The following WIPF2 variants were observed in gnomAD, a reference collection of about 807,000 sequenced individuals.
The protein encoded by WIPF2 is WAS/WASL-interacting protein family member 2.
Under a neutral mutation model 38.8 loss-of-function variants are expected in WIPF2, and 23 were observed. That is an observed-to-expected ratio of 0.59 (90% confidence interval 0.43 to 0.84). WIPF2 has a LOEUF of 0.84. Ranked by LOEUF, WIPF2 falls within the 40% of genes least tolerant of loss-of-function variation. The pLI, the probability that WIPF2 is intolerant of heterozygous loss-of-function variation, is 0.00. For missense variants in WIPF2, 574 were observed against 580.5 expected (o/e 0.99, Z 0.11); for synonymous variants, 210 against 223.2 (o/e 0.94, Z 0.53).
intron 7 of WIPF2, among the ~76,000 whole-genome samples, chr17:40,277,584 G>T (rs2032440330): frequency 6.6e-6 from 1 of 151,960 alleles, no homozygotes; most frequent in African/African-American, 2.4e-5. Flanking sequence ...GGGAGGCTGA[G>T]GCAGGAGAAC....
At chr17:40,242,072 A>C (rs1305288484) in intron 1 of WIPF2, among the ~76,000 whole-genome samples, 1 of 152,228 alleles carries the variant, frequency 6.6e-6, no homozygotes, top group Non-Finnish European at 1.5e-5. Context: ...TTGCATTCTA[A>C]GATGAGCAGC....
At chr17:40,241,204 C>T (rs1437227214) in intron 1 of WIPF2, among the ~76,000 whole-genome samples, 1 of 152,104 alleles carries the variant, frequency 6.6e-6, no homozygotes, top group African/African-American at 2.4e-5. Flanking sequence ...GATCATTCTC[C>T]TGGAAAACTT....
At chr17:40,254,001 G>A (rs1024014236) in intron 1 of WIPF2, among the ~76,000 whole-genome samples, 1 of 151,692 alleles carries the variant, frequency 6.6e-6, no homozygotes, top group Admixed American at 6.6e-5. Context: ...CTTCCCAGTG[G>A]GCTGCCATGC....
chr17:40,228,514 A>AT (rs1275821417), intron 1 of WIPF2, among the ~76,000 whole-genome samples: 4 of 151,726 alleles, frequency 2.6e-5, no homozygotes, highest in African/African-American at 9.7e-5. Context: ...GCTGAAGCTG[A>AT]TTTTTTTTGA....
intron 1 of WIPF2, among the ~76,000 whole-genome samples, chr17:40,240,849 G>A: frequency 6.6e-6 from 1 of 151,138 alleles, no homozygotes; most frequent in East Asian, 1.9e-4. Context: ...GGAGGCTGAG[G>A]CAGGAGAATG....
chr17:40,242,525 G>A (rs945518555), intron 1 of WIPF2, among the ~76,000 whole-genome samples: 3 of 152,032 alleles, frequency 2.0e-5, no homozygotes, highest in Admixed American at 6.6e-5. Flanking sequence ...TCAGCCTCCC[G>A]AGTAGCTGGG....
intron 1 of WIPF2, among the ~76,000 whole-genome samples, chr17:40,223,313 A>G (rs1343248946): frequency 6.6e-6 from 1 of 151,578 alleles, no homozygotes; most frequent in Admixed American, 6.6e-5. Flanking sequence ...TAATTTTTGT[A>G]TTTTTAGTAG....
At chr17:40,241,612 A>G (rs1424247020) in intron 1 of WIPF2, among the ~76,000 whole-genome samples, 3 of 152,172 alleles carry the variant, frequency 2.0e-5, no homozygotes, top group African/African-American at 7.2e-5. Context: ...AGTTATGAAC[A>G]TTGAGCTGCT....
At chr17:40,248,369 A>G (rs1321017968) in intron 1 of WIPF2, among the ~76,000 whole-genome samples, 1 of 151,728 alleles carries the variant, frequency 6.6e-6, no homozygotes, top group Non-Finnish European at 1.5e-5. Flanking sequence ...GGGTTCCACC[A>G]TGTTGGCCAG....
At chr17:40,226,751 A>G (rs1346269362) in intron 1 of WIPF2, among the ~76,000 whole-genome samples, 1 of 151,958 alleles carries the variant, frequency 6.6e-6, no homozygotes, top group Non-Finnish European at 1.5e-5. Flanking sequence ...ATTTATTATT[A>G]TTATTTTTGA....
intron 1 of WIPF2, among the ~76,000 whole-genome samples, chr17:40,240,470 A>G (rs1002136547): frequency 6.6e-6 from 1 of 150,858 alleles, no homozygotes; most frequent in African/African-American, 2.4e-5. Context: ...TCAGAAGTTC[A>G]TCTGTGGTGG....
chr17:40,249,679 C>T (rs955120126), intron 1 of WIPF2, among the ~76,000 whole-genome samples: 1 of 151,856 alleles, frequency 6.6e-6, no homozygotes, highest in Non-Finnish European at 1.5e-5. Context: ...TCTTGAACTC[C>T]TGACCTCAGG....
chr17:40,225,564 A>G (rs974016351), intron 1 of WIPF2, among the ~76,000 whole-genome samples: 1 of 152,168 alleles, frequency 6.6e-6, no homozygotes, highest in Non-Finnish European at 1.5e-5. Context: ...CTATCCAACA[A>G]TGTGTTCTAC....
intron 5 of WIPF2, among the ~76,000 whole-genome samples, chr17:40,271,742 C>T (rs1459293167): frequency 6.6e-6 from 1 of 152,134 alleles, no homozygotes; most frequent in Non-Finnish European, 1.5e-5. Flanking sequence ...TTACATACTT[C>T]GCATGTGTGG....
chr17:40,269,089 C>T lies in WIPF2; in HGVS notation c.970+3943C>T, dbSNP rs1383335656. Among the ~76,000 whole-genome samples the T allele has an allele frequency of 2.0e-5, 3 of 151,990 alleles. No homozygotes were observed. In the South Asian group the frequency reaches 6.2e-4, roughly 32 times the overall value. The stretch of plus-strand genomic sequence containing the variant: ...ATCCTAGCAATTTGGGAGGCTGAGA[C>T]AGGCAGATCACCTGAGGTCAGGAGT... On this transcript the variant is annotated intron_variant, in intron 5 of 7. Coordinates refer to ENST00000323571, the MANE Select transcript of WIPF2 (RefSeq NM_133264.5).
chr17:40,264,338 A>G (rs2032007142), intron 4 of WIPF2, 152 bp from the exon 5 acceptor site: 1 of 655,634 alleles, frequency 1.5e-6, no homozygotes, highest in Non-Finnish European at 2.5e-6. Flanking sequence ...AAAAAAAAAA[A>G]AAAAAAAAAA....
chr17:40,270,365 C>CA (rs574916961), intron 5 of WIPF2, among the ~76,000 whole-genome samples: 14,320 of 67,640 alleles, frequency 0.21, 1,010 homozygotes, highest in East Asian at 0.46. Context: ...GACTCCGTCT[C>CA]AAAAAAAAAA....
chr17:40,224,835 G>T (rs2030413115), intron 1 of WIPF2, among the ~76,000 whole-genome samples: 2 of 151,950 alleles, frequency 1.3e-5, no homozygotes, highest in Admixed American at 1.3e-4. Context: ...GGCCCTTGAA[G>T]CTGTGACTAA....
At chr17:40,228,101 C>T (rs1366284320) in intron 1 of WIPF2, among the ~76,000 whole-genome samples, 8 of 143,002 alleles carry the variant, frequency 5.6e-5, no homozygotes, top group Non-Finnish European at 9.2e-5. Context: ...CTGCAAGCTC[C>T]GCCTCCCGGG....
Sources: allele counts gnomAD v4.1 joint callset (sites outside exome capture counted in the v4.1 genomes callset), GRCh38; gene constraint gnomAD v4.1.1; transcripts MANE v1.5; gene names NCBI Gene and HGNC (gene_info 2026-07-23, HGNC 2026-07-21).